Variants in VCAN observed in about 807,000 individuals in gnomAD.
VCAN encodes versican core protein.
A neutral mutation model predicts 245.5 loss-of-function variants in VCAN; 44 were observed. That is an observed-to-expected ratio of 0.18 (90% confidence interval 0.14 to 0.23). The LOEUF is 0.23. Ranked by LOEUF, VCAN falls within the 10% of genes least tolerant of loss-of-function variation. VCAN has a pLI of 1.00. For synonymous variants in VCAN, 1,413 were observed against 1,437.0 expected (o/e 0.98, Z 0.38); for missense variants, 3,793 against 4,057.9 (o/e 0.93, Z 1.77).
At chr5:83,546,255 G>A (rs1057447308) in intron 9 of VCAN, among the ~76,000 whole-genome samples, 4 of 150,426 alleles carry the variant, frequency 2.7e-5, no homozygotes, top group Non-Finnish European at 4.4e-5. Context: ...AAAAAAAAAG[G>A]CACCAGTGTT....
intron 1 of VCAN, among the ~76,000 whole-genome samples, chr5:83,480,643 T>C (rs1561223998): frequency 6.6e-6 from 1 of 152,190 alleles, no homozygotes; most frequent in Non-Finnish European, 1.5e-5. Flanking sequence ...AATTATTAAG[T>C]TGAATAAAGT....
At chr5:83,534,853 T>A (rs974047360) in intron 7 of VCAN, among the ~76,000 whole-genome samples, 1 of 152,094 alleles carries the variant, frequency 6.6e-6, no homozygotes, top group African/African-American at 2.4e-5. Flanking sequence ...TTTCTTCACA[T>A]TCTGTTTTCA....
At chr5:83,535,849 G>A (rs1269251516) in intron 7 of VCAN, 1 of 152,174 alleles carries the variant, frequency 6.6e-6, no homozygotes, top group Non-Finnish European at 1.5e-5. Context: ...TTATTCCTAT[G>A]GGCAGGGTGG....
intron 2 of VCAN, among the ~76,000 whole-genome samples, chr5:83,488,629 G>A (rs1254579653): frequency 2.6e-5 from 4 of 152,150 alleles, no homozygotes; most frequent in Admixed American, 2.6e-4. Flanking sequence ...AATGATAATA[G>A]TCTTAGCAAT....
At position 83,522,148 on chromosome 5, in the gene VCAN, C is replaced by G; in HGVS notation, c.3842C>G (p.Thr1281Arg). ...ACCGATATTGATAGAGAGTATTTCA[C>G]GACTTCAAGTCCTCCTGCTACACAG... Reference protein sequence around the residue: ...TETDIDREYFTTSSPPATQPT... With the variant: ...TETDIDREYFRTSSPPATQPT... The change falls in exon 7 of 15, where the codon ACG (threonine) becomes AGG (arginine). Residue 1281 changes from threonine to arginine, a missense_variant. By Grantham distance (71) the Thr-to-Arg change is moderately conservative. Around this residue, in one of 5 missense-constraint regions of VCAN, gnomAD observed 3,182 missense variants for 3,250.3 expected, o/e 0.98. Coordinates refer to ENST00000265077, the MANE Select transcript of VCAN (RefSeq NM_004385.5). 6.2e-7 allele frequency: 1 copy of G among 1,612,324 alleles called. No homozygotes were observed. The highest frequency in any genetic ancestry group is 8.5e-7 in the Non-Finnish European group (1 of 1,180,004).
intron 5 of VCAN, among the ~76,000 whole-genome samples, chr5:83,504,588 G>A (rs1350087903): frequency 6.6e-6 from 1 of 152,014 alleles, no homozygotes; most frequent in African/African-American, 2.4e-5. Context: ...CACCATGTTG[G>A]CCAGTCTGGT....
At chr5:83,502,874 C>A (rs926923381) in intron 5 of VCAN, among the ~76,000 whole-genome samples, 1 of 152,084 alleles carries the variant, frequency 6.6e-6, no homozygotes, top group South Asian at 2.1e-4. Flanking sequence ...TTGGAGGGGG[C>A]CCTCCTAGCT....
At chr5:83,557,583 T>C (rs1747721887) in intron 12 of VCAN, among the ~76,000 whole-genome samples, 1 of 152,188 alleles carries the variant, frequency 6.6e-6, no homozygotes, top group Non-Finnish European at 1.5e-5. Context: ...CTAGTTTTTG[T>C]CTGTGTCCAT....
At chr5:83,473,912 C>A (rs935812942) in intron 1 of VCAN, among the ~76,000 whole-genome samples, 2 of 152,184 alleles carry the variant, frequency 1.3e-5, no homozygotes, top group African/African-American at 2.4e-5. Context: ...TTGGTCTGTG[C>A]AAAGTGCAGA....
In VCAN at chr5:83,520,286, T is replaced by A; in HGVS notation, c.1980T>A (p.Gly660=). The change falls in exon 7 of 15, where the codon GGT becomes GGA. Residue 660 remains glycine, a synonymous_variant. Transcript: ENST00000265077. ...AAATAGAATTGTTTCCTTATTCTGGTGATAAAATATTAGTAGAGGGAATTT... is the reference window on the plus strand; with the variant it reads ...AAATAGAATTGTTTCCTTATTCTGGAGATAAAATATTAGTAGAGGGAATTT... ...RTEIELFPYS[G]DKILVEGIST... is the part of the protein sequence containing the mutation. The A allele has an allele frequency of 6.2e-7, 1 of 1,614,012 alleles. No homozygotes were observed. Among genetic ancestry groups the A allele is most frequent in the Non-Finnish European group, 8.5e-7 (1 of 1,179,968 alleles).
rs76984280 is a variant in VCAN, at chr5:83,554,859, G to A, written c.9653-97G>A. 2.7e-3 allele frequency: 3,025 copies of A among 1,118,762 alleles called. 38 individuals are homozygous for A. Among genetic ancestry groups the A allele is most frequent in the African/African-American group, 0.026 (1,682 of 64,480 alleles). 69.3% of individuals were successfully genotyped at this position (1,118,762 alleles called of 1,614,324 possible). On this transcript the variant is annotated intron_variant, in intron 11 of 14. Coordinates refer to ENST00000265077, the MANE Select transcript of VCAN (RefSeq NM_004385.5). ...TAAATAAAAATCCAGCCAGTAAAGA[G>A]GATGCATGATTCATGCTGAAAATAA...
intron 7 of VCAN, among the ~76,000 whole-genome samples, chr5:83,525,503 A>C (rs1043496712): frequency 2.0e-5 from 3 of 152,194 alleles, no homozygotes; most frequent in African/African-American, 7.2e-5. Context: ...TTTTTAAATC[A>C]AAGAATAATT....
intron 1 of VCAN, 117 bp downstream of exon 1, chr5:83,472,140 G>A (rs1315437354): frequency 5.7e-6 from 1 of 175,452 alleles, no homozygotes; most frequent in African/African-American, 2.4e-5. Flanking sequence ...AAGGCAAAGA[G>A]CTGTAAGGCG....
intron 7 of VCAN, among the ~76,000 whole-genome samples, chr5:83,525,599 TAACA>T (rs1463047770): frequency 1.3e-5 from 2 of 152,228 alleles, no homozygotes; most frequent in Non-Finnish European, 2.9e-5. Context: ...TTACCTTTTT[TAACA>T]AACAAATTCA....
rs1001580832 is a variant in VCAN at position 83,541,529 on chromosome 5, G to T, written c.8526G>T (p.Glu2842Asp). Reference sequence around the variant, plus strand: ...GCAGTGAAGCCTCTGGACACACAGAGATCCCCCAGCCCAGTGCTCTGCCAG... The same window carrying T: ...GCAGTGAAGCCTCTGGACACACAGATATCCCCCAGCCCAGTGCTCTGCCAG... ...YSGSEASGHT[E>D]IPQPSALPGI... Residue 2842 changes from glutamate to aspartate, a missense_variant, in exon 8 of 15, where the codon GAG becomes GAT. Transcript: ENST00000265077. The T allele has an allele frequency of 6.2e-7, 1 of 1,613,926 alleles. No homozygotes were observed. The highest frequency in any genetic ancestry group is 2.2e-5 in the East Asian group (1 of 44,872).
chr5:83,579,225 G>C (rs1434943409), intron 13 of VCAN, among the ~76,000 whole-genome samples: 1 of 149,836 alleles, frequency 6.7e-6, no homozygotes, highest in Non-Finnish European at 1.5e-5. Context: ...ATTGTAGATT[G>C]TAAGGTTTTT....
intron 13 of VCAN, 30 bp from the exon 14 acceptor site, chr5:83,579,950 T>G: frequency 6.2e-7 from 1 of 1,611,212 alleles, no homozygotes; most frequent in East Asian, 2.2e-5. Context: ...CTTAGATTAT[T>G]TGGAAATAAC....
At chr5:83,500,484 G>A (rs1264938763) in intron 5 of VCAN, among the ~76,000 whole-genome samples, 1 of 152,142 alleles carries the variant, frequency 6.6e-6, no homozygotes, top group Non-Finnish European at 1.5e-5. Context: ...TTGAGTGTGA[G>A]GTAGTTTCAT....
intron 5 of VCAN, among the ~76,000 whole-genome samples, chr5:83,510,939 C>T (rs1465920419): frequency 2.0e-5 from 3 of 152,126 alleles, no homozygotes; most frequent in Admixed American, 6.5e-5. Context: ...CATGGCAAAA[C>T]CCCGTCTCCA....
Sources: allele counts gnomAD v4.1 joint callset (sites outside exome capture counted in the v4.1 genomes callset), GRCh38; gene constraint gnomAD v4.1.1; regional missense constraint gnomAD v4.1.1; transcripts MANE v1.5; gene names NCBI Gene and HGNC (gene_info 2026-07-23, HGNC 2026-07-21).